KMT5B: variants seen among roughly 807,000 people sequenced by gnomAD.
KMT5B encodes the protein lysine methyltransferase 5B.
In KMT5B, 10 loss-of-function variants were observed where a neutral mutation model predicts 83.2. The observed-to-expected ratio is 0.12, with a 90% CI of 0.07 to 0.20. KMT5B has a LOEUF of 0.20. KMT5B is among the 10% of genes least tolerant of loss of function. The pLI is 1.00. For synonymous variants in KMT5B, 349 were observed against 388.8 expected, an observed-to-expected ratio of 0.90 and a Z score of 1.20; for missense variants, 753 against 1,067.2, an observed-to-expected ratio of 0.71 and a Z score of 4.10.
At chr11:68,196,350 C>G (rs1858706786) in intron 1 of KMT5B, among the ~76,000 whole-genome samples, 1 of 151,180 alleles carries the variant, frequency 6.6e-6, no homozygotes, top group South Asian at 2.1e-4. Context: ...TATACTTATG[C>G]TATAAAACTT....
chr11:68,173,798 A>T lies in KMT5B; in HGVS notation c.653+6T>A, dbSNP rs373485037. On this transcript the variant is annotated splice_donor_region_variant and intron_variant, in intron 6 of 10. Coordinates refer to ENST00000304363, the MANE Select transcript of KMT5B (RefSeq NM_017635.5). Reference sequence around the variant, plus strand: ...AATTAAAGGCTTATACTAGTAGAATAGTTACCACTCTTTTGTTGCAACTAT... The same window carrying T: ...AATTAAAGGCTTATACTAGTAGAATTGTTACCACTCTTTTGTTGCAACTAT... 2 of 1,512,266 alleles carry T rather than the reference A, an allele frequency of 1.3e-6. No homozygotes were observed. The highest frequency in any genetic ancestry group is 2.3e-5 in the East Asian group (1 of 44,388). The allele number at this position is 1,512,266 out of a possible 1,614,324, so 93.7% of individuals were successfully genotyped here.
chr11:68,157,099 T>G lies in KMT5B; in HGVS notation c.*589A>C, dbSNP rs1392595911. 1 of 152,092 alleles carries G rather than the reference T, an allele frequency of 6.6e-6. No individual in the cohort carries two copies. Among genetic ancestry groups the G allele is most frequent in the Non-Finnish European group, 1.5e-5 (1 of 68,004 alleles). The allele number at this position is 152,092 out of a possible 1,614,324, so 9.4% of individuals were successfully genotyped here. A position where few individuals can be genotyped will look rare whatever the true frequency, so the allele number is the denominator to read the frequency against. ...TGAGCTGTCACGTATGTCATTTTTT[T>G]TTTTTTTTTAAGAAACCAATCTGAC... On this transcript the variant is annotated 3_prime_UTR_variant, in exon 11 of 11. Transcript: ENST00000304363.
intron 3 of KMT5B, among the ~76,000 whole-genome samples, chr11:68,180,643 G>C (rs1856828612): frequency 6.6e-6 from 1 of 152,166 alleles, no homozygotes; most frequent in Non-Finnish European, 1.5e-5. Flanking sequence ...TCAGTGCCCT[G>C]AAGTGACTCC....
At chr11:68,209,257 C>G (rs770824384) in intron 1 of KMT5B, among the ~76,000 whole-genome samples, 3 of 152,170 alleles carry the variant, frequency 2.0e-5, no homozygotes, top group Non-Finnish European at 4.4e-5. Context: ...CCACTCAGTT[C>G]AACAAACTTA....
At chr11:68,210,179 C>T (rs893037721) in intron 1 of KMT5B, among the ~76,000 whole-genome samples, 1 of 151,986 alleles carries the variant, frequency 6.6e-6, no homozygotes, top group African/African-American at 2.4e-5. Flanking sequence ...TTACAACAGA[C>T]AAACTAAGAC....
chr11:68,193,219 T>A (rs1010159390), intron 1 of KMT5B, among the ~76,000 whole-genome samples: 1 of 152,192 alleles, frequency 6.6e-6, no homozygotes, highest in African/African-American at 2.4e-5. Context: ...AACCACATGA[T>A]CCACCTGCAG....
intron 1 of KMT5B, among the ~76,000 whole-genome samples, chr11:68,212,928 C>G (rs1190065836): frequency 6.8e-6 from 1 of 146,428 alleles, no homozygotes; most frequent in Non-Finnish European, 1.5e-5. Context: ...GCCGCGGCCA[C>G]CACTGCAGGC....
At chr11:68,168,555 C>T (rs1296501717) in intron 9 of KMT5B, among the ~76,000 whole-genome samples, 1 of 152,062 alleles carries the variant, frequency 6.6e-6, no homozygotes, top group Non-Finnish European at 1.5e-5. Flanking sequence ...AGGCTGGTCT[C>T]GAACTCCTGA....
intron 1 of KMT5B, among the ~76,000 whole-genome samples, chr11:68,208,608 AAAAC>A (rs1265455201): frequency 6.6e-6 from 1 of 152,218 alleles, no homozygotes; most frequent in Middle Eastern, 3.2e-3. Context: ...AGCTGTAAGA[AAAAC>A]AAACAGGATG....
In KMT5B at chr11:68,186,308, G is replaced by A. The variant is rs551239791; in HGVS notation, c.161-380C>T. Among the ~76,000 whole-genome samples the A allele has an allele frequency of 3.9e-5, 6 of 152,298 alleles. No homozygotes were observed. The South Asian group carries it at 1.2e-3, about 32-fold the overall frequency. ...GGGCCATTACAGATAGGACTCGACT[G>A]AAAAGGAAAGAGGAACACAAGATAG... On this transcript the variant is annotated intron_variant, in intron 2 of 10. Transcript: ENST00000304363.
Position 68,190,171 on chromosome 11 carries a change from G to A in KMT5B, c.-76-19C>T. On this transcript the variant is annotated intron_variant, in intron 1 of 10. Coordinates refer to ENST00000304363, the MANE Select transcript of KMT5B (RefSeq NM_017635.5). ...TTCTCTCCTAACAGAAACAAAATAT[G>A]AAAAACAAAACAAAATGGGGAGATA... 5.1e-6 allele frequency: 6 copies of A among 1,183,340 alleles called. No individual in the cohort carries two copies. The highest frequency in any genetic ancestry group is 1.4e-5 in the South Asian group (1 of 69,668). The allele number at this position is 1,183,340 out of a possible 1,614,324, so 73.3% of individuals were successfully genotyped here. A position where few individuals can be genotyped will look rare whatever the true frequency, so the allele number is the denominator to read the frequency against.
In KMT5B at chr11:68,158,087, G is replaced by A. The variant is rs146549090; in HGVS notation, c.2259C>T (p.Asn753=). Residue 753 remains asparagine, a synonymous_variant, in exon 11 of 11, where the codon AAC becomes AAT. Coordinates refer to ENST00000304363, the MANE Select transcript of KMT5B (RefSeq NM_017635.5). ...ISIKLSKDHD[N]DNNLYVAKLN... ...GCTTTGCTACATAGAGATTGTTATC[G>A]TTGTCATGGTCTTTGCTTAACTTGA... 256 of 1,614,078 alleles carry A rather than the reference G, an allele frequency of 1.6e-4. No homozygotes were observed. Among genetic ancestry groups the A allele is most frequent in the African/African-American group, 1.3e-3 (95 of 75,010 alleles).
intron 1 of KMT5B, among the ~76,000 whole-genome samples, chr11:68,208,594 T>C (rs926433545): frequency 5.9e-5 from 9 of 152,206 alleles, no homozygotes; most frequent in African/African-American, 2.2e-4. Flanking sequence ...ATCAATCTGA[T>C]GCGAGCTGTA....
At chr11:68,168,940 T>C (rs968253167) in intron 9 of KMT5B, among the ~76,000 whole-genome samples, 2 of 152,202 alleles carry the variant, frequency 1.3e-5, no homozygotes, top group African/African-American at 2.4e-5. Flanking sequence ...GTTCAGTTAA[T>C]ATGTAATGAA....
chr11:68,164,617 C>T (rs1590933637), intron 10 of KMT5B: 1 of 506,558 alleles, frequency 2.0e-6, no homozygotes, highest in Non-Finnish European at 3.9e-6. Context: ...TGAGCCATGC[C>T]TATCCACTCT....
chr11:68,196,547 A>G (rs1404101528), intron 1 of KMT5B, among the ~76,000 whole-genome samples: 1 of 150,566 alleles, frequency 6.6e-6, no homozygotes, highest in Non-Finnish European at 1.5e-5. Flanking sequence ...TAGAAACTAT[A>G]TTTCTGCATT....
chr11:68,180,032 A>G, intron 4 of KMT5B, 100 bp downstream of exon 4: 2 of 1,365,824 alleles, frequency 1.5e-6, no homozygotes, highest in South Asian at 1.4e-5. Context: ...CTAAAACTCT[A>G]ATTTATGCTG....
chr11:68,209,212 G>A (rs995560908), intron 1 of KMT5B, among the ~76,000 whole-genome samples: 1 of 152,124 alleles, frequency 6.6e-6, no homozygotes, highest in Non-Finnish European at 1.5e-5. Context: ...ATACAAATCA[G>A]ACAGGCAAAA....
At chr11:68,210,491 A>G (rs1176204859) in intron 1 of KMT5B, among the ~76,000 whole-genome samples, 2 of 152,214 alleles carry the variant, frequency 1.3e-5, no homozygotes, top group Non-Finnish European at 2.9e-5. Flanking sequence ...CGTTTTGTAG[A>G]CGGAGTCTAG....
Sources: gnomAD v4.1 joint callset for allele counts (sites outside exome capture counted in the v4.1 genomes callset) on GRCh38, gnomAD v4.1.1 for gene constraint, MANE v1.5 for transcripts, NCBI Gene and HGNC (gene_info 2026-07-23, HGNC 2026-07-21) for gene names.